MAF: variants seen among roughly 807,000 people sequenced by gnomAD.
MAF encodes the protein MAF bZIP transcription factor.
MAF carries 10 observed loss-of-function variants against 22.0 expected under a neutral mutation model. The observed-to-expected ratio is 0.45, with a 90% CI of 0.28 to 0.77. The LOEUF is 0.77. MAF is among the 30% of genes least tolerant of loss of function. MAF has a pLI of 0.12. For missense variants in MAF, 544 were observed against 548.4 expected (o/e 0.99, Z 0.08); for synonymous variants, 337 against 255.8 (o/e 1.32, Z -3.03).
At chr16:79,596,193 G>A in intron 1 of MAF, 1 of 1,060,612 alleles carries the variant, frequency 9.4e-7, no homozygotes, top group Non-Finnish European at 1.1e-6. Flanking sequence ...TAGTTCCACT[G>A]TTTTGTTTTG....
the MAF span, among the ~76,000 whole-genome samples, chr16:79,272,167 G>T: frequency 6.6e-6 from 1 of 152,228 alleles, no homozygotes; most frequent in Non-Finnish European, 1.5e-5. Context: ...AAAACGTTCA[G>T]CTTGATGTGG....
At chr16:79,256,242 C>T in the MAF span, among the ~76,000 whole-genome samples, 2 of 151,884 alleles carry the variant, frequency 1.3e-5, no homozygotes, top group Non-Finnish European at 2.9e-5. Flanking sequence ...CCTGCCTCGG[C>T]CTCCCAGAGT....
chr16:79,322,825 GTCC>G, the MAF span, among the ~76,000 whole-genome samples: 10 of 152,086 alleles, frequency 6.6e-5, no homozygotes, highest in Admixed American at 6.5e-4. Flanking sequence ...GGACCCCATA[GTCC>G]CTGCCAAAGG....
At chr16:79,471,957 A>G in the MAF span, among the ~76,000 whole-genome samples, 21 of 152,318 alleles carry the variant, frequency 1.4e-4, 1 homozygote, top group African/African-American at 5.1e-4. Context: ...TTTCTCCCTC[A>G]TGCGTAAGAC....
the MAF span, among the ~76,000 whole-genome samples, chr16:79,371,840 G>A: frequency 5.9e-5 from 9 of 152,210 alleles, no homozygotes; most frequent in Non-Finnish European, 7.3e-5. Context: ...CAGCTCTGCC[G>A]AGGCAGAACA....
the MAF span, among the ~76,000 whole-genome samples, chr16:79,442,568 G>A: frequency 6.6e-6 from 1 of 151,918 alleles, no homozygotes; most frequent in Admixed American, 6.6e-5. Context: ...TAGTGACAGG[G>A]TCTTGCACTG....
At chr16:79,562,532 T>A in the MAF span, among the ~76,000 whole-genome samples, 1 of 152,056 alleles carries the variant, frequency 6.6e-6, no homozygotes, top group Admixed American at 6.6e-5. Flanking sequence ...CACAAAACAT[T>A]TCTTTACATC....
chr16:79,427,883 T>C, the MAF span, among the ~76,000 whole-genome samples: 6 of 152,088 alleles, frequency 3.9e-5, no homozygotes, highest in Non-Finnish European at 7.4e-5. Flanking sequence ...TAGACTTCAA[T>C]GGCTGGAACC....
the MAF span, among the ~76,000 whole-genome samples, chr16:79,540,147 G>A: frequency 2.6e-5 from 4 of 151,916 alleles, no homozygotes; most frequent in African/African-American, 7.3e-5. Context: ...TGCAGCCACC[G>A]AGGCAGGTGG....
At chr16:79,391,636 C>T in the MAF span, among the ~76,000 whole-genome samples, 1 of 152,114 alleles carries the variant, frequency 6.6e-6, no homozygotes, top group African/African-American at 2.4e-5. Context: ...GTTCAGGTCC[C>T]CCCGGGGTCG....
At chr16:79,571,198 C>G in the MAF span, among the ~76,000 whole-genome samples, 1 of 151,888 alleles carries the variant, frequency 6.6e-6, no homozygotes, top group East Asian at 1.9e-4. Context: ...CATAGATATT[C>G]AAATTTGGCT....
the MAF span, among the ~76,000 whole-genome samples, chr16:79,304,202 T>C: frequency 3.6e-4 from 55 of 152,320 alleles, 1 homozygote; most frequent in East Asian, 9.3e-3. Context: ...GGTTGTGACC[T>C]GTCGCACCCT....
chr16:79,499,651 T>C, the MAF span, among the ~76,000 whole-genome samples: 1 of 152,256 alleles, frequency 6.6e-6, no homozygotes, highest in South Asian at 2.1e-4. Flanking sequence ...AAGACACAGG[T>C]AGAAGGCACC....
chr16:79,220,255 C>CAAAAAAAAA, the MAF span, among the ~76,000 whole-genome samples: 1 of 94,058 alleles, frequency 1.1e-5, no homozygotes, highest in Non-Finnish European at 2.1e-5. Context: ...GACTCCATCT[C>CAAAAAAAAA]AAAAAAAAAA....
chr16:79,234,149 T>C, the MAF span, among the ~76,000 whole-genome samples: 1 of 152,096 alleles, frequency 6.6e-6, no homozygotes, highest in Non-Finnish European at 1.5e-5. Context: ...AGTGGCCCTT[T>C]TCACACTGTC....
the MAF span, among the ~76,000 whole-genome samples, chr16:79,208,697 A>C: frequency 2.0e-5 from 3 of 151,854 alleles, no homozygotes; most frequent in African/African-American, 7.3e-5. Flanking sequence ...TTTACTATTG[A>C]GATTTCACTA....
chr16:79,368,170 A>G, the MAF span, among the ~76,000 whole-genome samples: 2 of 152,134 alleles, frequency 1.3e-5, no homozygotes, highest in Non-Finnish European at 2.9e-5. Context: ...ACTGGGAATT[A>G]TTTGGAGGGC....
the MAF span, among the ~76,000 whole-genome samples, chr16:79,207,320 G>C: frequency 6.6e-6 from 1 of 152,254 alleles, no homozygotes; most frequent in Non-Finnish European, 1.5e-5. Context: ...GGCAGGGTTT[G>C]AAGAGGTATG....
At chr16:79,326,903 G>C in the MAF span, among the ~76,000 whole-genome samples, 1 of 152,182 alleles carries the variant, frequency 6.6e-6, no homozygotes, top group African/African-American at 2.4e-5. Context: ...TAGATTTTCA[G>C]AAAAGAGAAA....
Sources: allele counts gnomAD v4.1 joint callset (sites outside exome capture counted in the v4.1 genomes callset), GRCh38; gene constraint gnomAD v4.1.1; transcripts MANE v1.5; gene names NCBI Gene and HGNC (gene_info 2026-07-23, HGNC 2026-07-21).